CEACAM6: variants seen among roughly 807,000 people sequenced by gnomAD.
CEACAM6 encodes the protein cell adhesion molecule CEACAM6.
A neutral mutation model predicts 32.4 loss-of-function variants in CEACAM6; 21 were observed. The ratio of observed to expected loss-of-function variants is 0.65; its 90% CI spans 0.46 to 0.93. CEACAM6 has a LOEUF of 0.93. Ranked by LOEUF, CEACAM6 falls within the 40% of genes least tolerant of loss-of-function variation. CEACAM6 has a pLI of 0.00. For missense variants in CEACAM6, 406 were observed against 432.2 expected, an observed-to-expected ratio of 0.94 and a Z score of 0.54; for synonymous variants, 184 against 174.4, an observed-to-expected ratio of 1.06 and a Z score of -0.43.
In CEACAM6 at chr19:41,763,810, G is replaced by A. The variant is rs567256015; in HGVS notation, c.958+1587G>A. 2.0e-4 allele frequency among the ~76,000 whole-genome samples: 31 copies of A among 152,238 alleles called. 1 individual carries two copies. The highest frequency in any genetic ancestry group is 1.0e-3 in the South Asian group (5 of 4,818). ...GCACAGCGGAGCTGCCCAAGCCCTC[G>A]GTCACCAGCAACAACTCCAACCCTG... is the stretch of plus-strand genomic sequence containing the variant. On this transcript the variant is annotated intron_variant, in intron 4 of 5. Coordinates refer to ENST00000199764, the MANE Select transcript of CEACAM6 (RefSeq NM_002483.7).
Position 41,762,187 on chromosome 19 carries a change from C to T in CEACAM6, c.922C>T (p.Leu308Phe), listed in dbSNP as rs781974932. ...CCAAGCCCATAACTCAGCCACTGGC[C>T]TCAATAGGACCACAGTCACGATGAT... ...MCQAHNSATG[L>F]NRTTVTMITV... Residue 308 changes from leucine (L) to phenylalanine (F), a missense_variant, in exon 4 of 6, where the codon CTC becomes TTC. By Grantham distance (22) the Leu-to-Phe change is conservative. Coordinates refer to ENST00000199764, the MANE Select transcript of CEACAM6 (RefSeq NM_002483.7). 1.2e-6 allele frequency: 2 copies of T among 1,614,004 alleles called. No individual in the cohort carries two copies. Among genetic ancestry groups the T allele is most frequent in the Non-Finnish European group, 1.7e-6 (2 of 1,180,030 alleles).
chr19:41,761,721 T>C (rs1348641658), intron 3 of CEACAM6, among the ~76,000 whole-genome samples, 194 bp downstream of exon 3: 1 of 152,176 alleles, frequency 6.6e-6, no homozygotes, highest in African/African-American at 2.4e-5. Context: ...TCTCCTGTGC[T>C]ACTTCTGCTC....
chr19:41,761,870 T>G (rs2072926758), intron 3 of CEACAM6, 99 bp from the exon 4 acceptor site: 1 of 1,449,222 alleles, frequency 6.9e-7, no homozygotes, highest in Non-Finnish European at 9.5e-7. Context: ...ACTTCAGGGT[T>G]GTGACATGGC....
Position 41,761,521 on chromosome 19 carries a change from G to A in CEACAM6, c.697G>A (p.Val233Ile). ...ANRSDPVTLNVLYGPDVPTIS... is the reference protein window; with the variant it reads ...ANRSDPVTLNILYGPDVPTIS... Reference sequence around the variant, plus strand: ...CCGCAGTGACCCAGTCACCCTGAATGTCCTCTGTGAGTATCTTCTGTTCCT... The same window carrying A: ...CCGCAGTGACCCAGTCACCCTGAATATCCTCTGTGAGTATCTTCTGTTCCT... The change falls in exon 3 of 6, where the codon GTC becomes ATC. Residue 233 changes from valine to isoleucine, a missense_variant. Coordinates refer to ENST00000199764, the MANE Select transcript of CEACAM6 (RefSeq NM_002483.7). 1.2e-6 allele frequency: 2 copies of A among 1,614,042 alleles called. No homozygotes were observed. The highest frequency in any genetic ancestry group is 1.7e-6 in the Non-Finnish European group (2 of 1,179,912).
At chr19:41,766,030 C>T (rs555652015) in intron 4 of CEACAM6, among the ~76,000 whole-genome samples, 153 bp from the exon 5 acceptor site, 50 of 152,298 alleles carry the variant, frequency 3.3e-4, no homozygotes, top group African/African-American at 1.2e-3. Context: ...AACCTAGAAA[C>T]GTGGTAAGAG....
At chr19:41,757,942 C>G (rs987272673) in intron 2 of CEACAM6, 1 of 152,176 alleles carries the variant, frequency 6.6e-6, no homozygotes, top group Non-Finnish European at 1.5e-5. Context: ...CATATGAGGT[C>G]TGTCTGCAGC....
chr19:41,766,859 A>T (rs1310499506), intron 5 of CEACAM6, among the ~76,000 whole-genome samples: 3 of 152,122 alleles, frequency 2.0e-5, no homozygotes, highest in African/African-American at 7.2e-5. Flanking sequence ...ACAAAAAATT[A>T]TTCAGGCATG....
At chr19:41,760,649 G>A (rs1166085969) in intron 2 of CEACAM6, among the ~76,000 whole-genome samples, 1 of 152,144 alleles carries the variant, frequency 6.6e-6, no homozygotes, top group Non-Finnish European at 1.5e-5. Context: ...AAACACCTGG[G>A]AAAAACTGCC....
intron 4 of CEACAM6, among the ~76,000 whole-genome samples, chr19:41,762,816 A>G (rs1221332067): frequency 6.6e-6 from 1 of 152,164 alleles, no homozygotes; most frequent in African/African-American, 2.4e-5. Flanking sequence ...TCTGTCCTGA[A>G]TCAGGCTAAA....
At chr19:41,759,508 C>T (rs1278773738) in intron 2 of CEACAM6, among the ~76,000 whole-genome samples, 7 of 152,194 alleles carry the variant, frequency 4.6e-5, no homozygotes, top group South Asian at 2.1e-4. Context: ...CTGACACACA[C>T]CTAAGACTTC....
intron 1 of CEACAM6, among the ~76,000 whole-genome samples, chr19:41,756,302 C>T (rs961627717): frequency 3.3e-5 from 5 of 152,132 alleles, no homozygotes; most frequent in Non-Finnish European, 5.9e-5. Flanking sequence ...GGGAAGGGAT[C>T]TCCCAAGAAT....
intron 5 of CEACAM6, among the ~76,000 whole-genome samples, chr19:41,768,426 A>C (rs545392781): frequency 1.6e-3 from 245 of 152,378 alleles, no homozygotes; most frequent in Admixed American, 5.2e-3. Flanking sequence ...GTAAGGTCAC[A>C]GTTCAACAGG....
chr19:41,765,660 C>T (rs1331212626), intron 4 of CEACAM6, among the ~76,000 whole-genome samples: 1 of 152,182 alleles, frequency 6.6e-6, no homozygotes, highest in Non-Finnish European at 1.5e-5. Context: ...TTCCCCAAGA[C>T]CGATGGGGAG....
intron 2 of CEACAM6, among the ~76,000 whole-genome samples, chr19:41,758,979 C>T (rs2072906363): frequency 6.6e-6 from 1 of 152,190 alleles, no homozygotes; most frequent in African/African-American, 2.4e-5. Flanking sequence ...TGGAACAGGC[C>T]ACGGGACAGG....
At chr19:41,764,365 C>T (rs936069880) in intron 4 of CEACAM6, among the ~76,000 whole-genome samples, 2 of 152,070 alleles carry the variant, frequency 1.3e-5, no homozygotes, top group African/African-American at 4.8e-5. Context: ...AGCTTACTTG[C>T]AGGCTGAACC....
chr19:41,762,868 C>G (rs960344715), intron 4 of CEACAM6, among the ~76,000 whole-genome samples: 1 of 152,100 alleles, frequency 6.6e-6, no homozygotes, highest in Non-Finnish European at 1.5e-5. Flanking sequence ...TGGATCAGGC[C>G]GCAGGAAAAT....
At chr19:41,769,879 T>C (rs1377564907) in intron 5 of CEACAM6, among the ~76,000 whole-genome samples, 4 of 148,864 alleles carry the variant, frequency 2.7e-5, no homozygotes, top group African/African-American at 4.9e-5. Flanking sequence ...ATAATAAATA[T>C]AATAGTATAG....
rs782534548 is a variant in CEACAM6, at chr19:41,755,644, A to AC, written c.12dup (p.Ser5LeufsTer35). The AC allele has an allele frequency of 2.4e-5, 38 of 1,610,396 alleles. No homozygotes were observed. In the South Asian group the frequency reaches 2.8e-4, roughly 12 times the overall value. On this transcript the variant is annotated frameshift_variant, in exon 1 of 6. Coordinates refer to ENST00000199764, the MANE Select transcript of CEACAM6 (RefSeq NM_002483.7). LOFTEE classifies it high-confidence loss of function. ...CAGAGAAGACAGCAGAGACCATGGG[A>AC]CCCCCCTCAGCCCCTCCCTGCAGAT... is the stretch of plus-strand genomic sequence containing the variant.
chr19:41,761,518 A>G lies in CEACAM6; in HGVS notation c.694A>G (p.Asn232Asp), dbSNP rs1235202394. Reference protein sequence around the residue: ...SANRSDPVTLNVLYGPDVPTI... With the variant: ...SANRSDPVTLDVLYGPDVPTI... ...CAACCGCAGTGACCCAGTCACCCTG[A>G]ATGTCCTCTGTGAGTATCTTCTGTT... Residue 232 changes from asparagine (N) to aspartate (D), a missense_variant, in exon 3 of 6, where the codon AAT becomes GAT. Physicochemically the swap from Asn to Asp is conservative, Grantham distance 23 (BLOSUM62 1). Transcript: ENST00000199764. 8 of 1,613,924 alleles carry G rather than the reference A, an allele frequency of 5.0e-6. No homozygotes were observed. The highest frequency in any genetic ancestry group is 6.8e-6 in the Non-Finnish European group (8 of 1,179,930).
Sources: gnomAD v4.1 joint callset for allele counts (sites outside exome capture counted in the v4.1 genomes callset) on GRCh38, gnomAD v4.1.1 for gene constraint, MANE v1.5 for transcripts, NCBI Gene and HGNC (gene_info 2026-07-23, HGNC 2026-07-21) for gene names.